The following PNKD variants were observed in gnomAD, a reference collection of about 807,000 sequenced individuals.
PNKD encodes the protein PNKD metallo-beta-lactamase domain containing.
A neutral mutation model predicts 45.3 loss-of-function variants in PNKD; 36 were observed. The ratio of observed to expected loss-of-function variants is 0.80; its 90% CI spans 0.61 to 1.05. PNKD has a LOEUF of 1.05. Ranked by LOEUF, PNKD falls within the 50% of genes least tolerant of loss-of-function variation. PNKD has a pLI of 0.00. For missense variants in PNKD, 511 were observed against 506.6 expected (o/e 1.01, Z -0.08); for synonymous variants, 197 against 210.1 (o/e 0.94, Z 0.54).
At chr2:218,336,226 A>AAAAAAAG (rs1265337006) in intron 2 of PNKD, among the ~76,000 whole-genome samples, 1 of 151,554 alleles carries the variant, frequency 6.6e-6, no homozygotes, top group Non-Finnish European at 1.5e-5. Context: ...AAAAAAAAAA[A>AAAAAAAG]AAGTTTGGAA....
At chr2:218,279,426 G>A (rs12987219) in intron 2 of PNKD, 533,735 of 1,388,578 alleles carry the variant, frequency 0.38, 103,674 homozygotes, top group Middle Eastern at 0.49. Context: ...CCAGCCCCCA[G>A]TACTTTCCTC....
At chr2:218,272,753 G>A (rs917691104) in intron 2 of PNKD, 1 of 1,613,924 alleles carries the variant, frequency 6.2e-7, no homozygotes, top group Non-Finnish European at 8.5e-7. Context: ...GGTCTGGGGT[G>A]CAGACCTGAG....
At chr2:218,311,952 C>A (rs996227677) in intron 2 of PNKD, among the ~76,000 whole-genome samples, 11 of 152,234 alleles carry the variant, frequency 7.2e-5, no homozygotes, top group Non-Finnish European at 1.3e-4. Context: ...CATTGTGTCC[C>A]TGGGTAATCG....
intron 2 of PNKD, chr2:218,280,155 G>A: frequency 6.6e-7 from 1 of 1,524,562 alleles, no homozygotes; most frequent in South Asian, 1.1e-5. Flanking sequence ...TGACTCAGCT[G>A]GGGACCTGAG....
chr2:218,319,804 C>T (rs1015662340), intron 2 of PNKD, among the ~76,000 whole-genome samples: 2 of 152,252 alleles, frequency 1.3e-5, no homozygotes, highest in African/African-American at 2.4e-5. Flanking sequence ...TTCTGGGAGG[C>T]GAAATCGCCA....
At chr2:218,334,497 T>C (rs1694431521) in intron 2 of PNKD, among the ~76,000 whole-genome samples, 1 of 151,980 alleles carries the variant, frequency 6.6e-6, no homozygotes, top group Non-Finnish European at 1.5e-5. Flanking sequence ...TACTAAAAAT[T>C]TAAAAAACTA....
chr2:218,306,776 G>A (rs1693420117), intron 2 of PNKD, among the ~76,000 whole-genome samples: 2 of 152,162 alleles, frequency 1.3e-5, no homozygotes, highest in Admixed American at 1.3e-4. Flanking sequence ...CCATCACAGA[G>A]ACATGTGTGC....
At chr2:218,305,333 T>C (rs542304971) in intron 2 of PNKD, among the ~76,000 whole-genome samples, 136 of 152,074 alleles carry the variant, frequency 8.9e-4, no homozygotes, top group African/African-American at 3.2e-3. Context: ...AGCTCAGTCT[T>C]GTTTTTGCCT....
intron 2 of PNKD, chr2:218,272,912 G>C: frequency 6.5e-7 from 1 of 1,532,976 alleles, no homozygotes; most frequent in Non-Finnish European, 8.8e-7. Context: ...GCCAGCCAAA[G>C]GCAAATAAAG....
In PNKD at chr2:218,340,269, C is replaced by T. The variant is rs909236934; in HGVS notation, c.465+128C>T. The T allele has an allele frequency of 2.1e-5, 14 of 682,772 alleles. 1 individual carries two copies. The highest frequency in any genetic ancestry group is 1.9e-4 in the South Asian group (12 of 61,540). 42.3% of individuals were successfully genotyped at this position (682,772 alleles called of 1,614,324 possible). A position where few individuals can be genotyped will look rare whatever the true frequency, so the allele number is the denominator to read the frequency against. ...GTGTCCCATATGCTCCATGTTCACA[C>T]GTGCACATGCGCACACATAGCCTGG... On this transcript the variant is annotated intron_variant, in intron 4 of 9. Transcript: ENST00000273077. This position sits in a 1 kb window ranked among gnomAD's most constrained non-coding sequence, Gnocchi z 4.2.
chr2:218,301,350 C>T (rs952428470), intron 2 of PNKD, among the ~76,000 whole-genome samples: 1 of 152,112 alleles, frequency 6.6e-6, no homozygotes, highest in African/African-American at 2.4e-5. Flanking sequence ...TAGCCCAGGG[C>T]CTGCACTCAG....
intron 2 of PNKD, among the ~76,000 whole-genome samples, chr2:218,304,307 T>A (rs1017445539): frequency 1.3e-5 from 2 of 152,060 alleles, no homozygotes; most frequent in Non-Finnish European, 2.9e-5. Flanking sequence ...CCACCATGCC[T>A]GATTTTTTGT....
intron 2 of PNKD, chr2:218,275,707 T>C: frequency 6.7e-6 from 10 of 1,503,594 alleles, no homozygotes; most frequent in Non-Finnish European, 9.0e-6. Context: ...CTTGGGGGCC[T>C]ATGCGCCACA....
chr2:218,333,168 G>A (rs187035106), intron 2 of PNKD, among the ~76,000 whole-genome samples: 18 of 152,242 alleles, frequency 1.2e-4, no homozygotes, highest in South Asian at 4.1e-4. Context: ...ATGTCTGTTG[G>A]CCCTCCCTTT....
intron 7 of PNKD, among the ~76,000 whole-genome samples, chr2:218,342,880 G>T (rs898674090): frequency 6.6e-6 from 1 of 152,140 alleles, no homozygotes; most frequent in African/African-American, 2.4e-5. Flanking sequence ...ATTAGCCAGT[G>T]TGGTGGTGAG....
At chr2:218,297,895 G>A (rs555366176) in intron 2 of PNKD, among the ~76,000 whole-genome samples, 23 of 151,140 alleles carry the variant, frequency 1.5e-4, no homozygotes, top group African/African-American at 2.7e-4. Flanking sequence ...CTACTCAGGA[G>A]GCTGAGGCAG....
At chr2:218,279,375 T>C in intron 2 of PNKD, 4 of 1,539,126 alleles carry the variant, frequency 2.6e-6, no homozygotes, top group Non-Finnish European at 2.6e-6. Context: ...CGGCCGGGCA[T>C]GGGTCACCAT....
At position 218,326,295 on chromosome 2, in the gene PNKD, C is replaced by T. The variant is rs906110658; in HGVS notation, c.237-13488C>T. ...AAAAGGCTTTCCTTAACCATAACTA[C>T]AATTGTCTTAGGATGAGGATAGCTG... On this transcript the variant is annotated intron_variant, in intron 2 of 9. Transcript: ENST00000273077. The surrounding 1 kb of genome is among the most constrained non-coding windows in gnomAD (Gnocchi z 4.1). Among the ~76,000 whole-genome samples the T allele has an allele frequency of 6.6e-6, 1 of 152,156 alleles. No individual in the cohort carries two copies. The highest frequency in any genetic ancestry group is 1.5e-5 in the Non-Finnish European group (1 of 68,022).
intron 2 of PNKD, chr2:218,275,409 C>A: frequency 6.4e-7 from 1 of 1,553,920 alleles, no homozygotes; most frequent in South Asian, 1.2e-5. Flanking sequence ...AGACCACAGT[C>A]ATAGGGCCCA....
Sources: allele counts gnomAD v4.1 joint callset (sites outside exome capture counted in the v4.1 genomes callset), GRCh38; gene constraint gnomAD v4.1.1; non-coding constraint Gnocchi (gnomAD v3.1); transcripts MANE v1.5; gene names NCBI Gene and HGNC (gene_info 2026-07-23, HGNC 2026-07-21).